The following SERPINF2 variants were observed in gnomAD, a reference collection of about 807,000 sequenced individuals.
SERPINF2 encodes the protein serpin family F member 2, also known as alpha-2-antiplasmin.
In SERPINF2, 15 loss-of-function variants were observed where a neutral mutation model predicts 45.0. That is an observed-to-expected ratio of 0.33 (90% CI 0.22 to 0.51). SERPINF2 has a LOEUF of 0.51. Ranked by LOEUF, SERPINF2 falls within the 20% of genes least tolerant of loss-of-function variation. The probability of loss-of-function intolerance (pLI) is 0.97; values close to 1 mark genes in which losing one functional copy is unlikely to be tolerated. For synonymous variants in SERPINF2, 283 were observed against 277.9 expected (o/e 1.02, Z -0.18); for missense variants, 518 against 637.4 (o/e 0.81, Z 2.02).
intron 8 of SERPINF2, among the ~76,000 whole-genome samples, chr17:1,749,143 T>A (rs1393199828): frequency 6.6e-6 from 1 of 151,886 alleles, no homozygotes; most frequent in African/African-American, 2.4e-5. Flanking sequence ...AGAAGGTGAT[T>A]TTGGCCGGGA....
chr17:1,746,026 A>G, intron 5 of SERPINF2, 117 bp downstream of exon 5: 2 of 1,166,878 alleles, frequency 1.7e-6, no homozygotes, highest in Admixed American at 1.7e-5. Context: ...TTTGGTAAAA[A>G]TGCAGATTCC....
chr17:1,751,004 C>A (rs995891206), intron 8 of SERPINF2, among the ~76,000 whole-genome samples: 2 of 152,332 alleles, frequency 1.3e-5, no homozygotes, highest in Non-Finnish European at 2.9e-5. Context: ...CCTCTGCAGA[C>A]AGGCCCAAAC....
chr17:1,748,484 A>G, intron 7 of SERPINF2, 114 bp from the exon 8 acceptor site: 1 of 1,359,852 alleles, frequency 7.4e-7, no homozygotes, highest in Non-Finnish European at 1.0e-6. Flanking sequence ...TCTGGGTGGG[A>G]CAGGCAACGG....
At position 1,745,641 on chromosome 17, in the gene SERPINF2, C is replaced by CA; in HGVS notation, c.166-65dup. The CA allele has an allele frequency of 6.7e-7, 1 of 1,494,262 alleles. No homozygotes were observed. The highest frequency in any genetic ancestry group is 9.3e-7 in the Non-Finnish European group (1 of 1,079,678). 92.6% of individuals were successfully genotyped at this position (1,494,262 alleles called of 1,614,324 possible). On this transcript the variant is annotated intron_variant, in intron 4 of 9. Coordinates refer to ENST00000453066, the MANE Select transcript of SERPINF2 (RefSeq NM_000934.4). This position sits in a 1 kb window ranked among gnomAD's most constrained non-coding sequence, Gnocchi z 6.2. ...CTGTCCTCAGGCACAGGGGCTGTGACAAGGCCTTCAACACAGAACCTGGAG... is the reference window on the plus strand; with the variant it reads ...CTGTCCTCAGGCACAGGGGCTGTGACAAAGGCCTTCAACACAGAACCTGGAG...
At chr17:1,743,085 C>T (rs556120618) in intron 1 of SERPINF2, 177 bp downstream of exon 1, 63 of 982,512 alleles carry the variant, frequency 6.4e-5, no homozygotes, top group African/African-American at 2.8e-4. Context: ...AGGTCGGAGT[C>T]GGGGCCCTGG....
At chr17:1,754,101 G>C in intron 9 of SERPINF2, 21 bp from the exon 10 acceptor site, 1 of 1,601,350 alleles carries the variant, frequency 6.2e-7, no homozygotes, top group Non-Finnish European at 8.5e-7. Context: ...GCTCTGACCA[G>C]CCATCTCTGG....
intron 8 of SERPINF2, 84 bp from the exon 9 acceptor site, chr17:1,752,502 C>A: frequency 8.0e-7 from 1 of 1,249,848 alleles, no homozygotes; most frequent in Non-Finnish European, 1.2e-6. Flanking sequence ...GCCCCATTGT[C>A]TGCCTTAGGA....
At position 1,754,276 on chromosome 17, in the gene SERPINF2, G is replaced by C; in HGVS notation, c.1218G>C (p.Leu406=). 6.2e-7 allele frequency: 1 copy of C among 1,614,148 alleles called. No homozygotes were observed. Among genetic ancestry groups the C allele is most frequent in the Non-Finnish European group, 8.5e-7 (1 of 1,180,042 alleles). ...ATSIAMSRMS[L]SSFSVNRPFL... ...GCATTGCCATGTCCCGCATGTCCCTGTCCTCCTTCAGCGTGAACCGCCCCT... is the reference window on the plus strand; with the variant it reads ...GCATTGCCATGTCCCGCATGTCCCTCTCCTCCTTCAGCGTGAACCGCCCCT... The change falls in exon 10 of 10, where the codon CTG becomes CTC. Residue 406 remains leucine (L), a synonymous_variant. Transcript: ENST00000453066.
At chr17:1,753,971 TA>T in intron 9 of SERPINF2, 150 bp from the exon 10 acceptor site, 1 of 862,398 alleles carries the variant, frequency 1.2e-6, no homozygotes, top group East Asian at 2.6e-5. Flanking sequence ...AGGTGGTGTT[TA>T]AGCTGAGTCT....
chr17:1,754,674 G>GAAA lies in SERPINF2; in HGVS notation c.*140_*141insAAA. 2.1e-6 allele frequency: 1 copy of GAAA among 473,436 alleles called. No individual in the cohort carries two copies. The highest frequency in any genetic ancestry group is 3.4e-6 in the Non-Finnish European group (1 of 298,118). The allele number at this position is 473,436 out of a possible 1,614,324, so 29.3% of individuals were successfully genotyped here. On this transcript the variant is annotated 3_prime_UTR_variant, in exon 10 of 10. Transcript: ENST00000453066. Reference sequence around the variant, plus strand: ...GCCATTCTTTCCCAACACCTCTTGGGGAGTTTAGGGTGGGGGGGGGGCGCG... The same window carrying GAAA: ...GCCATTCTTTCCCAACACCTCTTGGGAAAGAGTTTAGGGTGGGGGGGGGGCGCG...
Position 1,745,394 on chromosome 17 carries a change from A to T in SERPINF2, c.164A>T (p.Gln55Leu). 3 of 1,450,348 alleles carry T rather than the reference A, an allele frequency of 2.1e-6. No homozygotes were observed. The highest frequency in any genetic ancestry group is 2.8e-6 in the Non-Finnish European group (3 of 1,081,834). The allele number at this position is 1,450,348 out of a possible 1,614,324, so 89.8% of individuals were successfully genotyped here. A position where few individuals can be genotyped will look rare whatever the true frequency, so the allele number is the denominator to read the frequency against. ...SPLTLLKLGN[Q>L]EPGGQTALKS... ...CTTACCCTCCTCAAGTTGGGCAACC[A>T]GGTACAACCAGGTGGGGCTGGGGAA... The change falls in exon 4 of 10, where the codon CAG becomes CTG. Residue 55 changes from glutamine to leucine, a missense_variant and splice_region_variant. Coordinates refer to ENST00000453066, the MANE Select transcript of SERPINF2 (RefSeq NM_000934.4). This position sits in a 1 kb window ranked among gnomAD's most constrained non-coding sequence, Gnocchi z 6.2.
At chr17:1,744,771 A>C in intron 1 of SERPINF2, 2 of 985,394 alleles carry the variant, frequency 2.0e-6, no homozygotes, top group Non-Finnish European at 2.4e-6. Flanking sequence ...GAAATATGAA[A>C]CACCAGAAAC....
At chr17:1,749,134 G>A (rs1906136178) in intron 8 of SERPINF2, among the ~76,000 whole-genome samples, 1 of 152,088 alleles carries the variant, frequency 6.6e-6, no homozygotes. Flanking sequence ...AGCTGAAAAA[G>A]AAGGTGATTT....
At position 1,743,989 on chromosome 17, in the gene SERPINF2, C is replaced by T. The variant is rs1053996684; in HGVS notation, c.-4-1003C>T. On this transcript the variant is annotated intron_variant, in intron 1 of 9. Transcript: ENST00000453066. Reference sequence around the variant, plus strand: ...TCGGCTCACTGCAACCTCCGCCTCCCGGGTTCAAGCAGTTCTCTGCCTCAG... The same window carrying T: ...TCGGCTCACTGCAACCTCCGCCTCCTGGGTTCAAGCAGTTCTCTGCCTCAG... Among the ~76,000 whole-genome samples the T allele has an allele frequency of 1.9e-4, 29 of 151,176 alleles. 1 individual carries two copies. In the South Asian group the frequency reaches 2.1e-3, roughly 11 times the overall value.
intron 6 of SERPINF2, 70 bp downstream of exon 6, chr17:1,747,232 G>T (rs1030333686): frequency 4.3e-6 from 7 of 1,610,206 alleles, no homozygotes; most frequent in Non-Finnish European, 5.9e-6. Context: ...AAGGGGCTGG[G>T]CCTCTGGTAG....
chr17:1,748,390 G>A (rs1006597121), intron 7 of SERPINF2, among the ~76,000 whole-genome samples: 2 of 152,106 alleles, frequency 1.3e-5, no homozygotes, highest in Non-Finnish European at 1.5e-5. Flanking sequence ...AAAATGCTAC[G>A]GGAAAGAGAC....
At chr17:1,744,174 G>C (rs1395390129) in intron 1 of SERPINF2, among the ~76,000 whole-genome samples, 3 of 151,146 alleles carry the variant, frequency 2.0e-5, no homozygotes, top group Non-Finnish European at 4.4e-5. Flanking sequence ...GGGATTACAG[G>C]CTTGAGCCAC....
intron 7 of SERPINF2, among the ~76,000 whole-genome samples, chr17:1,747,867 C>T (rs369175580): frequency 6.6e-6 from 1 of 151,792 alleles, no homozygotes; most frequent in South Asian, 2.1e-4. Context: ...CCCGGCCATG[C>T]AGGCTTTGTT....
rs1262798159 is a variant in SERPINF2, at chr17:1,745,224, G to T, written c.102+11G>T. 6.4e-6 allele frequency: 10 copies of T among 1,573,894 alleles called. No homozygotes were observed. The highest frequency in any genetic ancestry group is 1.2e-5 in the South Asian group (1 of 86,866). Reference sequence around the variant, plus strand: ...CCCTTGGGCCGGCAGGTACTGGGGAGTGAGGAGCCTGTGATGGGGGGAAGG... The same window carrying T: ...CCCTTGGGCCGGCAGGTACTGGGGATTGAGGAGCCTGTGATGGGGGGAAGG... On this transcript the variant is annotated intron_variant, in intron 3 of 9. Transcript: ENST00000453066. The surrounding 1 kb of genome is among the most constrained non-coding windows in gnomAD (Gnocchi z 6.2).
Sources: gnomAD v4.1 joint callset for allele counts (sites outside exome capture counted in the v4.1 genomes callset) on GRCh38, gnomAD v4.1.1 for gene constraint, Gnocchi (gnomAD v3.1) non-coding constraint, MANE v1.5 for transcripts, NCBI Gene and HGNC (gene_info 2026-07-23, HGNC 2026-07-21) for gene names.